The following ETV6 variants were observed in gnomAD, a reference collection of about 807,000 sequenced individuals.
The protein encoded by ETV6 is ETS variant transcription factor 6.
ETV6 carries 16 observed loss-of-function variants against 51.1 expected under a neutral mutation model. The ratio of observed to expected loss-of-function variants is 0.31; its 90% CI spans 0.21 to 0.48. ETV6 has a LOEUF of 0.48. ETV6 is among the 20% of genes least tolerant of loss of function. ETV6 has a pLI of 0.99. For synonymous variants in ETV6, 240 were observed against 224.1 expected, an observed-to-expected ratio of 1.07 and a Z score of -0.64; for missense variants, 458 against 594.8, an observed-to-expected ratio of 0.77 and a Z score of 2.39.
chr12:11,757,420 T>G (rs1945023486), intron 2 of ETV6, among the ~76,000 whole-genome samples: 1 of 71,296 alleles, frequency 1.4e-5, no homozygotes, highest in Non-Finnish European at 3.7e-5. Context: ...CACATTATGT[T>G]TGTTCCCAAA....
intron 5 of ETV6, among the ~76,000 whole-genome samples, chr12:11,882,383 C>T (rs940269599): frequency 1.4e-4 from 21 of 152,150 alleles, no homozygotes; most frequent in African/African-American, 4.8e-4. Context: ...CTAGAAATTG[C>T]ATTGGGAAGT....
intron 1 of ETV6, among the ~76,000 whole-genome samples, chr12:11,748,638 G>T (rs970172690): frequency 1.3e-5 from 2 of 152,160 alleles, no homozygotes; most frequent in African/African-American, 4.8e-5. Flanking sequence ...TGACTCTTCT[G>T]TAATATGCAA....
At chr12:11,770,971 C>T (rs915901718) in intron 2 of ETV6, among the ~76,000 whole-genome samples, 12 of 152,180 alleles carry the variant, frequency 7.9e-5, no homozygotes, top group Non-Finnish European at 1.5e-4. Flanking sequence ...ATGGCCTTGC[C>T]TAGTGATTTT....
intron 2 of ETV6, among the ~76,000 whole-genome samples, chr12:11,815,761 T>C (rs1440261792): frequency 6.6e-6 from 1 of 152,026 alleles, no homozygotes; most frequent in Non-Finnish European, 1.5e-5. Context: ...GGCTTGGGGA[T>C]ATTTGTGAAC....
chr12:11,722,173 A>G (rs1262458367), intron 1 of ETV6, among the ~76,000 whole-genome samples: 2 of 152,234 alleles, frequency 1.3e-5, no homozygotes, highest in Non-Finnish European at 2.9e-5. Context: ...GTTTTAGCCA[A>G]TAATAATTCT....
chr12:11,791,756 A>ATGT (rs5796467), intron 2 of ETV6, among the ~76,000 whole-genome samples: 92,565 of 151,654 alleles, frequency 0.61, 28,491 homozygotes, highest in Non-Finnish European at 0.67. Context: ...GTGTTCATTG[A>ATGT]TATTGTTATA....
Position 11,752,493 on chromosome 12 carries a change from G to A in ETV6, c.77G>A (p.Ser26Asn). The A allele has an allele frequency of 6.2e-7, 1 of 1,613,986 alleles. No individual in the cohort carries two copies. The highest frequency in any genetic ancestry group is 8.5e-7 in the Non-Finnish European group (1 of 1,179,952). ...ACACCTCCAGAGAGCCCAGTGCCGA[G>A]TTACGCTTCCTCGACGCCACTTCAT... ...SYTPPESPVP[S>N]YASSTPLHVP... Residue 26 changes from serine (S) to asparagine (N), a missense_variant, in exon 2 of 8, where the codon AGT becomes AAT. Around this residue, in one of 4 missense-constraint regions of ETV6, gnomAD observed 84 missense variants for 75.9 expected, o/e 1.11. Coordinates refer to ENST00000396373, the MANE Select transcript of ETV6 (RefSeq NM_001987.5).
intron 5 of ETV6, among the ~76,000 whole-genome samples, chr12:11,880,494 G>T (rs895007517): frequency 6.7e-6 from 1 of 149,110 alleles, no homozygotes; most frequent in African/African-American, 2.6e-5. Context: ...CCCAGTGCAG[G>T]TTAAGCCCTT....
At chr12:11,697,270 C>T (rs1864894055) in intron 1 of ETV6, among the ~76,000 whole-genome samples, 1 of 152,164 alleles carries the variant, frequency 6.6e-6, no homozygotes, top group Non-Finnish European at 1.5e-5. Context: ...ACAGGAGCCA[C>T]CCGAGAACTC....
intron 3 of ETV6, among the ~76,000 whole-genome samples, chr12:11,846,834 AG>A (rs1276158835): frequency 6.6e-6 from 1 of 152,184 alleles, no homozygotes; most frequent in Non-Finnish European, 1.5e-5. Flanking sequence ...TTTGAAGACA[AG>A]TAGAAGCCAT....
intron 2 of ETV6, among the ~76,000 whole-genome samples, chr12:11,818,102 C>T (rs535412059): frequency 1.3e-5 from 2 of 152,126 alleles, no homozygotes; most frequent in South Asian, 4.2e-4. Context: ...ATGGAAAGTG[C>T]TGGGAAAAAA....
intron 1 of ETV6, among the ~76,000 whole-genome samples, chr12:11,733,543 T>C (rs926490712): frequency 2.6e-5 from 4 of 151,876 alleles, no homozygotes; most frequent in African/African-American, 7.3e-5. Flanking sequence ...ACAGAGAAGG[T>C]GTAAGTTACA....
In ETV6 at chr12:11,893,724, T is replaced by C. The variant is rs2855750; in HGVS notation, c.*2678T>C. ...CATAAAATTACCTTCAGGCTATGTG[T>C]ATAAAGTATATATGAGCCATAAATG... On this transcript the variant is annotated 3_prime_UTR_variant, in exon 8 of 8. Coordinates refer to ENST00000396373, the MANE Select transcript of ETV6 (RefSeq NM_001987.5). 0.4 allele frequency: 82,727 copies of C among 204,500 alleles called. 17,185 individuals are homozygous for C. The highest frequency in any genetic ancestry group is 0.43 in the Admixed American group (7,049 of 16,432). The allele number at this position is 204,500 out of a possible 1,614,324, so 12.7% of individuals were successfully genotyped here.
intron 2 of ETV6, among the ~76,000 whole-genome samples, chr12:11,798,437 T>C (rs1488935172): frequency 6.6e-6 from 1 of 152,110 alleles, no homozygotes; most frequent in Non-Finnish European, 1.5e-5. Context: ...TACCACCTCT[T>C]AGAGCCCCTG....
At chr12:11,853,400 C>CGATTT in intron 3 of ETV6, 27 bp from the exon 4 acceptor site, 1 of 1,613,622 alleles carries the variant, frequency 6.2e-7, no homozygotes, top group African/African-American at 1.3e-5. Flanking sequence ...TTCCATTTCT[C>CGATTT]GATTTCCCTT....
intron 2 of ETV6, among the ~76,000 whole-genome samples, chr12:11,755,291 C>T (rs978972118): frequency 2.0e-5 from 3 of 152,204 alleles, no homozygotes; most frequent in Admixed American, 6.5e-5. Flanking sequence ...AGCACATTCC[C>T]GGAAACCTTT....
intron 1 of ETV6, among the ~76,000 whole-genome samples, chr12:11,703,576 A>T (rs1207946803): frequency 5.3e-5 from 8 of 152,178 alleles, no homozygotes; most frequent in Non-Finnish European, 1.2e-4. Flanking sequence ...CCTAGCGGCC[A>T]TGTTTCCATT....
At chr12:11,764,378 T>C (rs535883010) in intron 2 of ETV6, among the ~76,000 whole-genome samples, 3 of 152,348 alleles carry the variant, frequency 2.0e-5, no homozygotes, top group East Asian at 1.9e-4. Context: ...AGCAGTCTGC[T>C]ACTTACTGTG....
chr12:11,788,756 G>GTTTTTT (rs1336998892), intron 2 of ETV6, among the ~76,000 whole-genome samples: 1 of 102,452 alleles, frequency 9.8e-6, no homozygotes, highest in South Asian at 3.8e-4. Flanking sequence ...GCTTGTATTG[G>GTTTTTT]TTTTTTTTTT....
Sources: gnomAD v4.1 joint callset for allele counts (sites outside exome capture counted in the v4.1 genomes callset) on GRCh38, gnomAD v4.1.1 for gene constraint, gnomAD v4.1.1 regional missense constraint, MANE v1.5 for transcripts, NCBI Gene and HGNC (gene_info 2026-07-23, HGNC 2026-07-21) for gene names.